SYTL3: variants seen among roughly 807,000 people sequenced by gnomAD.
SYTL3 encodes the protein synaptotagmin like 3.
A neutral mutation model predicts 82.1 loss-of-function variants in SYTL3; 88 were observed. The observed-to-expected ratio is 1.07, with a 90% CI of 0.90 to 1.28. The LOEUF is 1.28. SYTL3 is among the 50% of genes most tolerant of loss of function. SYTL3 has a pLI of 0.00. For missense variants in SYTL3, 831 were observed against 757.6 expected, an observed-to-expected ratio of 1.10 and a Z score of -1.14; for synonymous variants, 311 against 289.4, an observed-to-expected ratio of 1.07 and a Z score of -0.76.
At chr6:158,658,297 T>C (rs1415732468) in intron 2 of SYTL3, among the ~76,000 whole-genome samples, 1 of 152,250 alleles carries the variant, frequency 6.6e-6, no homozygotes, top group African/African-American at 2.4e-5. Flanking sequence ...TTTGCCTAAA[T>C]GACTTGTATG....
chr6:158,746,597 C>G (rs915599330), intron 12 of SYTL3, among the ~76,000 whole-genome samples: 1 of 151,712 alleles, frequency 6.6e-6, no homozygotes, highest in East Asian at 2.0e-4. Context: ...TCCTGAGCAT[C>G]TGGGACTACA....
chr6:158,684,781 A>AT (rs1209044763), intron 6 of SYTL3, among the ~76,000 whole-genome samples: 1 of 147,232 alleles, frequency 6.8e-6, no homozygotes, highest in Non-Finnish European at 1.5e-5. Context: ...GTACTAAATT[A>AT]TCCCATGGTT....
chr6:158,688,231 A>G (rs1445371435), intron 6 of SYTL3, among the ~76,000 whole-genome samples: 1 of 152,206 alleles, frequency 6.6e-6, no homozygotes, highest in Non-Finnish European at 1.5e-5. Context: ...TAACTCTGTG[A>G]TGAACGTCTT....
intron 17 of SYTL3, among the ~76,000 whole-genome samples, chr6:158,764,255 A>G (rs1009160180): frequency 1.3e-5 from 2 of 152,130 alleles, no homozygotes; most frequent in Non-Finnish European, 2.9e-5. Context: ...CCTCACTTTC[A>G]AACTACAGAA....
chr6:158,700,859 G>A (rs965796507), intron 6 of SYTL3, among the ~76,000 whole-genome samples: 25 of 151,822 alleles, frequency 1.6e-4, no homozygotes, highest in Non-Finnish European at 1.5e-4. Context: ...CTCATGATCT[G>A]CCCTCCTTGG....
At chr6:158,754,127 G>GT (rs1305640545) in intron 13 of SYTL3, among the ~76,000 whole-genome samples, 1 of 152,196 alleles carries the variant, frequency 6.6e-6, no homozygotes, top group Non-Finnish European at 1.5e-5. Context: ...GGATGAGGCT[G>GT]TGAGAACTGT....
intron 6 of SYTL3, among the ~76,000 whole-genome samples, chr6:158,695,079 G>A (rs984595691): frequency 2.0e-5 from 3 of 152,148 alleles, no homozygotes; most frequent in African/African-American, 7.2e-5. Flanking sequence ...CCCTGCTTTT[G>A]TAAATAAAGT....
intron 9 of SYTL3, among the ~76,000 whole-genome samples, chr6:158,715,235 A>G (rs1259327211): frequency 6.6e-6 from 1 of 151,962 alleles, no homozygotes; most frequent in Non-Finnish European, 1.5e-5. Flanking sequence ...CTCCAAATCT[A>G]TGTGGCTTCT....
At chr6:158,672,691 G>A (rs1777538552) in intron 5 of SYTL3, among the ~76,000 whole-genome samples, 1 of 151,504 alleles carries the variant, frequency 6.6e-6, no homozygotes, top group African/African-American at 2.4e-5. Context: ...GAGTGCAGTG[G>A]CACGATATCA....
chr6:158,725,728 A>ATT, intron 11 of SYTL3, 91 bp downstream of exon 11: 1 of 1,480,572 alleles, frequency 6.8e-7, no homozygotes, highest in Admixed American at 2.1e-5. Context: ...AATTACTCCT[A>ATT]TTTGAAGGTC....
At chr6:158,677,705 C>CAAAAA (rs56865775) in intron 5 of SYTL3, among the ~76,000 whole-genome samples, 4 of 68,112 alleles carry the variant, frequency 5.9e-5, no homozygotes, top group Non-Finnish European at 9.6e-5. Flanking sequence ...AACTCTGTCT[C>CAAAAA]AAAAAAAAAA....
Position 158,764,496 on chromosome 6 carries a change from G to C in SYTL3, c.1725G>C (p.Lys575Asn). 6.2e-7 allele frequency: 1 copy of C among 1,612,444 alleles called. No individual in the cohort carries two copies. Among genetic ancestry groups the C allele is most frequent in the Non-Finnish European group, 8.5e-7 (1 of 1,178,742 alleles). Residue 575 changes from lysine to asparagine, a missense_variant and splice_region_variant, in exon 18 of 18, where the codon AAG becomes AAC. Transcript: ENST00000611299. ...RLLGGTRLGS[K>N]GDTAVGGDAC... is the part of the protein sequence containing the mutation. ...CTAAATTGTCTTCCTCTCTTACAGA[G>C]GGAGACACAGCTGTTGGCGGGGATG...
chr6:158,732,067 C>G (rs987373788), intron 11 of SYTL3, among the ~76,000 whole-genome samples: 1 of 152,162 alleles, frequency 6.6e-6, no homozygotes, highest in Non-Finnish European at 1.5e-5. Flanking sequence ...TACTAGTAAT[C>G]CAGAGAATAG....
chr6:158,674,119 A>AATAATG (rs544841096), intron 5 of SYTL3, among the ~76,000 whole-genome samples: 6,833 of 141,158 alleles, frequency 0.048, 309 homozygotes, highest in African/African-American at 0.13. Context: ...TAATAATAAT[A>AATAATG]ATGATGATGA....
chr6:158,763,619 G>A (rs964951952), intron 17 of SYTL3, 110 bp downstream of exon 17: 2 of 888,530 alleles, frequency 2.3e-6, no homozygotes, highest in African/African-American at 3.4e-5. Context: ...TTTTGAAATT[G>A]CCTAGCCTGC....
intron 5 of SYTL3, among the ~76,000 whole-genome samples, chr6:158,673,735 G>T (rs1205586204): frequency 6.7e-6 from 1 of 149,666 alleles, no homozygotes; most frequent in African/African-American, 2.4e-5. Context: ...ACCACGCCCC[G>T]CCAGGAACAG....
rs1261407904 is a variant in SYTL3 at position 158,735,640 on chromosome 6, CA to C, written c.856-9834del. On this transcript the variant is annotated intron_variant, in intron 11 of 17. Transcript: ENST00000611299. ...CAAGGATCGGAGTAAAAACAAAAAA[CA>C]AAAAACCCAGCTTATTAAAATTCCA... Among the ~76,000 whole-genome samples the C allele has an allele frequency of 2.0e-5, 3 of 152,200 alleles. 1 individual carries two copies. The Middle Eastern group carries it at 0.01, about 518-fold the overall frequency.
chr6:158,679,032 C>T (rs909625904), intron 5 of SYTL3, among the ~76,000 whole-genome samples: 2 of 152,162 alleles, frequency 1.3e-5, no homozygotes, highest in Non-Finnish European at 2.9e-5. Flanking sequence ...GGATCTATCA[C>T]CTCTATCATA....
At chr6:158,732,341 A>G (rs1262120567) in intron 11 of SYTL3, among the ~76,000 whole-genome samples, 3 of 152,242 alleles carry the variant, frequency 2.0e-5, no homozygotes, top group Non-Finnish European at 4.4e-5. Context: ...ACCTAAGGCA[A>G]ACGATAGCAA....
Sources: gnomAD v4.1 joint callset for allele counts (sites outside exome capture counted in the v4.1 genomes callset) on GRCh38, gnomAD v4.1.1 for gene constraint, MANE v1.5 for transcripts, NCBI Gene and HGNC (gene_info 2026-07-23, HGNC 2026-07-21) for gene names.